The following ZNF99 variants were observed in gnomAD, a reference collection of about 807,000 sequenced individuals.
ZNF99 encodes zinc finger protein 99, also known as zinc finger protein ENSP00000375192.
Under a neutral mutation model 12.8 loss-of-function variants are expected in ZNF99, and 8 were observed. The observed-to-expected ratio is 0.62, with a 90% CI of 0.37 to 1.13. The LOEUF is 1.13. ZNF99 is among the 50% of genes most tolerant of loss of function. The pLI is 0.02. For missense variants in ZNF99, 1,007 were observed against 1,006.2 expected, an observed-to-expected ratio of 1.00 and a Z score of -0.01; for synonymous variants, 318 against 319.0, an observed-to-expected ratio of 1.00 and a Z score of 0.03.
At position 22,759,140 on chromosome 19, in the gene ZNF99, A is replaced by T; in HGVS notation, c.769T>A (p.Cys257Ser). The T allele has an allele frequency of 6.2e-7, 1 of 1,610,604 alleles. No homozygotes were observed. Among genetic ancestry groups the T allele is most frequent in the Non-Finnish European group, 8.5e-7 (1 of 1,178,110 alleles). ...ACTTTGCCACATTCTTCACATTTGCAGGGTTTCTTTCCAGTATGAATTATC... is the reference window on the plus strand; with the variant it reads ...ACTTTGCCACATTCTTCACATTTGCTGGGTTTCTTTCCAGTATGAATTATC... Reference protein sequence around the residue: ...CKIIHTGKKPCKCEECGKVFN... With the variant: ...CKIIHTGKKPSKCEECGKVFN... Residue 257 changes from cysteine (C) to serine (S), a missense_variant, in exon 4 of 4, where the codon TGC becomes AGC. Physicochemically the swap from Cys to Ser is moderately radical, Grantham distance 112. Coordinates refer to ENST00000596209, the MANE Select transcript of ZNF99 (RefSeq NM_001080409.3).
In ZNF99 at chr19:22,758,413, T is replaced by C. The variant is rs761583756; in HGVS notation, c.1496A>G (p.His499Arg). 8.7e-6 allele frequency: 14 copies of C among 1,604,978 alleles called. No individual in the cohort carries two copies. Among genetic ancestry groups the C allele is most frequent in the Non-Finnish European group, 1.1e-5 (13 of 1,173,942 alleles). ...AFKWSSKLTV[H>R]KVIHMEEKPC... ...TTTCTCTTCCATATGAATTACCTTATGTACAGTAAGTTTTGAGGACCACTT... is the reference window on the plus strand; with the variant it reads ...TTTCTCTTCCATATGAATTACCTTACGTACAGTAAGTTTTGAGGACCACTT... Residue 499 changes from histidine to arginine, a missense_variant, in exon 4 of 4, where the codon CAT becomes CGT. Physicochemically the swap from His to Arg is conservative, Grantham distance 29. Coordinates refer to ENST00000596209, the MANE Select transcript of ZNF99 (RefSeq NM_001080409.3).
Position 22,756,002 on chromosome 19 carries a change from G to C in ZNF99, c.*1312C>G, listed in dbSNP as rs965294432. The C allele has an allele frequency of 1.4e-6, 1 of 734,818 alleles. No homozygotes were observed. 45.5% of individuals were successfully genotyped at this position (734,818 alleles called of 1,614,324 possible). On this transcript the variant is annotated 3_prime_UTR_variant, in exon 4 of 4. Transcript: ENST00000596209. ...ATTTTATGTGTATTTAAGGTGTGAG[G>C]ACTGGTTAAAGGCTTTGCCACATTC...
Position 22,769,218 on chromosome 19 carries a change from T to C in ZNF99, c.110A>G (p.Tyr37Cys), listed in dbSNP as rs756011448. 31 of 1,608,260 alleles carry C rather than the reference T, an allele frequency of 1.9e-5. No individual in the cohort carries two copies. The highest frequency in any genetic ancestry group is 2.4e-5 in the Non-Finnish European group (28 of 1,176,728). Reference protein sequence around the residue: ...NLYRNVMLENYRNLVFLGIAV... With the variant: ...NLYRNVMLENCRNLVFLGIAV... ...CTCACCCAGGAAGACCAGGTTTCTG[T>C]AGTTCTCTAACATAACATTCCTATA... The change falls in exon 2 of 4, where the codon TAC (tyrosine) becomes TGC (cysteine). Residue 37 changes from tyrosine (Y) to cysteine (C), a missense_variant. Coordinates refer to ENST00000596209, the MANE Select transcript of ZNF99 (RefSeq NM_001080409.3).
intron 1 of ZNF99, among the ~76,000 whole-genome samples, chr19:22,778,393 CACACCAACTCACTGTCTGACATTCTCCA>C (rs1164185324): frequency 1.3e-5 from 2 of 152,058 alleles, no homozygotes; most frequent in Non-Finnish European, 2.9e-5. Flanking sequence ...GCAATTCTCC[CACACCAACTCACTGTCTGACATTCTCCA>C]ACACCAACTC....
intron 1 of ZNF99, among the ~76,000 whole-genome samples, 151 bp from the exon 2 acceptor site, chr19:22,769,475 G>A (rs1291778698): frequency 2.0e-5 from 3 of 151,974 alleles, no homozygotes; most frequent in Non-Finnish European, 4.4e-5. Flanking sequence ...TTTCAACACA[G>A]AAATCGTCTC....
intron 1 of ZNF99, among the ~76,000 whole-genome samples, chr19:22,778,165 A>G (rs1396129425): frequency 2.0e-5 from 3 of 152,074 alleles, no homozygotes; most frequent in Non-Finnish European, 2.9e-5. Context: ...ATTAAAAAAA[A>G]AAAGAAAAAG....
intron 1 of ZNF99, among the ~76,000 whole-genome samples, chr19:22,781,345 C>T (rs1190298697): frequency 6.6e-6 from 1 of 151,244 alleles, no homozygotes; most frequent in East Asian, 1.9e-4. Flanking sequence ...TGAACTATGC[C>T]CCAGTGAGTG....
In ZNF99 at chr19:22,759,390, GAA is replaced by G; in HGVS notation, c.517_518del (p.Phe173GlnfsTer6). On this transcript the variant is annotated frameshift_variant, in exon 4 of 4. Coordinates refer to ENST00000596209, the MANE Select transcript of ZNF99 (RefSeq NM_001080409.3). LOFTEE classifies it low-confidence loss of function (END_TRUNC). ...YKIRHTKKKT[F>X]KCMKCSKSFF... ...ATGATTTGCTACATTTCATACATTT[GAA>G]AGTTTTCTTTTTAGTGTGTCTAATC... 1 of 1,562,074 alleles carries G rather than the reference GAA, an allele frequency of 6.4e-7. No homozygotes were observed. Among genetic ancestry groups the G allele is most frequent in the Non-Finnish European group, 8.7e-7 (1 of 1,152,938 alleles).
intron 3 of ZNF99, among the ~76,000 whole-genome samples, chr19:22,765,370 A>G (rs989737683): frequency 5.3e-5 from 8 of 152,134 alleles, no homozygotes; most frequent in African/African-American, 1.9e-4. Context: ...AAAGACCACA[A>G]ATAGAGTGCA....
intron 1 of ZNF99, among the ~76,000 whole-genome samples, chr19:22,771,467 G>T (rs1973269807): frequency 6.6e-6 from 1 of 151,414 alleles, no homozygotes; most frequent in Admixed American, 6.6e-5. Flanking sequence ...GTGTTAGCCA[G>T]GATGGTCTCG....
chr19:22,772,898 G>C (rs534752602), intron 1 of ZNF99, among the ~76,000 whole-genome samples: 197 of 152,230 alleles, frequency 1.3e-3, no homozygotes, highest in African/African-American at 4.6e-3. Flanking sequence ...TTAACAAGAG[G>C]AAGAAAAAGG....
intron 1 of ZNF99, among the ~76,000 whole-genome samples, chr19:22,771,416 C>T (rs1246008947): frequency 1.3e-5 from 2 of 151,418 alleles, no homozygotes; most frequent in Non-Finnish European, 2.9e-5. Flanking sequence ...CCACCACGCC[C>T]GGCTAATTTT....
chr19:22,769,538 C>A (rs963726503), intron 1 of ZNF99, among the ~76,000 whole-genome samples: 1 of 151,976 alleles, frequency 6.6e-6, no homozygotes, highest in South Asian at 2.1e-4. Flanking sequence ...GAGGCCAAGG[C>A]AGGAAGATCA....
In ZNF99 at chr19:22,774,795, G is replaced by T. The variant is rs8101915; in HGVS notation, c.4-5471C>A. Among the ~76,000 whole-genome samples the T allele has an allele frequency of 1.3e-3, 199 of 152,134 alleles. 1 individual carries two copies. The highest frequency in any genetic ancestry group is 4.6e-3 in the African/African-American group (193 of 41,522). ...TGAGGCAGGAGAATAGCTTGAACCCGGAAGACAGAGGTTGCAGTGAGCCGA... is the reference window on the plus strand; with the variant it reads ...TGAGGCAGGAGAATAGCTTGAACCCTGAAGACAGAGGTTGCAGTGAGCCGA... On this transcript the variant is annotated intron_variant, in intron 1 of 3. Transcript: ENST00000596209.
chr19:22,766,037 T>C (rs1333686298), intron 3 of ZNF99, among the ~76,000 whole-genome samples: 1 of 151,402 alleles, frequency 6.6e-6, no homozygotes, highest in Admixed American at 6.6e-5. Context: ...ATACACAATA[T>C]AAAATAATTT....
intron 1 of ZNF99, among the ~76,000 whole-genome samples, chr19:22,772,674 T>A (rs545757016): frequency 6.8e-6 from 1 of 146,766 alleles, no homozygotes. Flanking sequence ...CGAAATTCTG[T>A]CTCAAAAAAA....
In ZNF99 at chr19:22,759,205, C is replaced by T. The variant is rs1255011747; in HGVS notation, c.704G>A (p.Gly235Asp). Reference protein sequence around the residue: ...EDKPYKYKKCGKAFNISSMFT... With the variant: ...EDKPYKYKKCDKAFNISSMFT... Reference sequence around the variant, plus strand: ...CATTGAAGAGATGTTAAAAGCTTTGCCACATTTCTTATATTTGTAGGGTTT... The same window carrying T: ...CATTGAAGAGATGTTAAAAGCTTTGTCACATTTCTTATATTTGTAGGGTTT... The change falls in exon 4 of 4, where the codon GGC becomes GAC. Residue 235 changes from glycine (G) to aspartate (D), a missense_variant. Coordinates refer to ENST00000596209, the MANE Select transcript of ZNF99 (RefSeq NM_001080409.3). 6.4e-7 allele frequency: 1 copy of T among 1,573,388 alleles called. No individual in the cohort carries two copies. Among genetic ancestry groups the T allele is most frequent in the South Asian group, 1.1e-5 (1 of 87,466 alleles).
Position 22,755,896 on chromosome 19 carries a change from T to C in ZNF99, c.*1418A>G. The stretch of plus-strand genomic sequence containing the variant: ...GAGTTTATCTTCTTTAGGAATTCTC[T>C]CATTTTGAGTAACAGCTGAGCAATG... On this transcript the variant is annotated 3_prime_UTR_variant, in exon 4 of 4. Coordinates refer to ENST00000596209, the MANE Select transcript of ZNF99 (RefSeq NM_001080409.3). 3.0e-6 allele frequency: 1 copy of C among 338,002 alleles called. No homozygotes were observed. The highest frequency in any genetic ancestry group is 2.7e-5 in the South Asian group (1 of 36,394). The allele number at this position is 338,002 out of a possible 1,614,324, so 20.9% of individuals were successfully genotyped here.
intron 3 of ZNF99, among the ~76,000 whole-genome samples, chr19:22,765,252 A>G (rs1016545209): frequency 2.6e-5 from 4 of 152,188 alleles, no homozygotes; most frequent in African/African-American, 9.6e-5. Flanking sequence ...CAAACATCGT[A>G]TGTTCTCACT....
Sources: gnomAD v4.1 joint callset for allele counts (sites outside exome capture counted in the v4.1 genomes callset) on GRCh38, gnomAD v4.1.1 for gene constraint, MANE v1.5 for transcripts, NCBI Gene and HGNC (gene_info 2026-07-23, HGNC 2026-07-21) for gene names.